Variants in RANBP2 observed in about 807,000 individuals in gnomAD.
RANBP2 encodes the protein RAN binding protein 2.
RANBP2 carries 57 observed loss-of-function variants against 303.6 expected under a neutral mutation model. The ratio of observed to expected loss-of-function variants is 0.19; its 90% CI spans 0.15 to 0.23. The LOEUF is 0.23. RANBP2 is among the 10% of genes least tolerant of loss of function. The pLI, the probability that RANBP2 is intolerant of heterozygous loss-of-function variation, is 1.00. For missense variants in RANBP2, 3,138 were observed against 3,780.8 expected (o/e 0.83, Z 4.46); for synonymous variants, 1,167 against 1,301.5 (o/e 0.90, Z 2.23).
At chr2:109,211,802 C>G in the RANBP2 span, among the ~76,000 whole-genome samples, 11 of 152,052 alleles carry the variant, frequency 7.2e-5, no homozygotes, top group African/African-American at 2.7e-4. Context: ...TTCACCATGC[C>G]CAGCTATTTT....
the RANBP2 span, among the ~76,000 whole-genome samples, chr2:109,542,780 T>G: frequency 2.6e-5 from 4 of 152,334 alleles, no homozygotes; most frequent in South Asian, 8.3e-4. Context: ...AAAAATAAAA[T>G]TTAAAGTATA....
chr2:108,882,717 TCTC>T, the RANBP2 span: 1 of 152,250 alleles, frequency 6.6e-6, no homozygotes, highest in Admixed American at 6.5e-5. Context: ...TTCATTTTCT[TCTC>T]AGGCCTCCTC....
chr2:108,728,246 T>C (rs1370806504), intron 1 of RANBP2, among the ~76,000 whole-genome samples: 1 of 152,174 alleles, frequency 6.6e-6, no homozygotes. Context: ...TGATGAAAAT[T>C]CTTCTGTTGT....
chr2:108,727,779 T>C (rs957074759), intron 1 of RANBP2, among the ~76,000 whole-genome samples: 2 of 151,926 alleles, frequency 1.3e-5, no homozygotes, highest in Non-Finnish European at 2.9e-5. Context: ...ATTTTTGTAT[T>C]TTTAGTAGAA....
At chr2:109,323,535 T>C in the RANBP2 span, among the ~76,000 whole-genome samples, 1 of 152,210 alleles carries the variant, frequency 6.6e-6, no homozygotes, top group African/African-American at 2.4e-5. Flanking sequence ...ATATTGTAGG[T>C]AGTGGTAGAT....
At chr2:109,563,122 GC>G in the RANBP2 span, among the ~76,000 whole-genome samples, 29 of 152,132 alleles carry the variant, frequency 1.9e-4, no homozygotes, top group Non-Finnish European at 3.1e-4. Context: ...TGTTGGCCAG[GC>G]TGGTCTTGAA....
the RANBP2 span, among the ~76,000 whole-genome samples, chr2:109,513,636 A>C: frequency 6.6e-6 from 1 of 152,162 alleles, no homozygotes; most frequent in South Asian, 2.1e-4. Flanking sequence ...CATCACTTGC[A>C]CATTTGCACA....
the RANBP2 span, among the ~76,000 whole-genome samples, chr2:109,143,115 C>T: frequency 1.3e-5 from 2 of 152,102 alleles, no homozygotes; most frequent in Admixed American, 6.5e-5. Flanking sequence ...CACAAGGTAA[C>T]CTCAGGAGGA....
the RANBP2 span, among the ~76,000 whole-genome samples, chr2:109,588,915 T>A: frequency 7.5e-6 from 1 of 132,998 alleles, no homozygotes; most frequent in African/African-American, 2.8e-5. Context: ...TGAAATTGAG[T>A]CATAAAAATT....
chr2:109,129,894 G>C, the RANBP2 span: 4 of 1,513,968 alleles, frequency 2.6e-6, no homozygotes, highest in Non-Finnish European at 3.5e-6. Context: ...TGCGACTGCT[G>C]GACGGCATCC....
the RANBP2 span, among the ~76,000 whole-genome samples, chr2:109,704,642 G>A: frequency 2.6e-4 from 39 of 152,222 alleles, no homozygotes; most frequent in African/African-American, 8.9e-4. Flanking sequence ...CTGAGGTCAG[G>A]AGTTCGAGAA....
chr2:109,363,752 G>T, the RANBP2 span, among the ~76,000 whole-genome samples: 3 of 152,036 alleles, frequency 2.0e-5, no homozygotes, highest in Non-Finnish European at 2.9e-5. Flanking sequence ...AGGTTGGTAG[G>T]TTTTTTCTGT....
chr2:108,887,848 A>T, the RANBP2 span, among the ~76,000 whole-genome samples: 1 of 152,134 alleles, frequency 6.6e-6, no homozygotes, highest in East Asian at 1.9e-4. Flanking sequence ...TCCATTCTGG[A>T]TGCTTTTTAT....
At chr2:109,271,763 T>G in the RANBP2 span, among the ~76,000 whole-genome samples, 4 of 152,384 alleles carry the variant, frequency 2.6e-5, no homozygotes, top group East Asian at 7.7e-4. Context: ...TATTGGACTT[T>G]TGTGGTATCA....
chr2:109,667,301 G>T, the RANBP2 span: 2 of 653,556 alleles, frequency 3.1e-6, no homozygotes, highest in East Asian at 2.9e-5. Flanking sequence ...GGAAGGTCCT[G>T]TGGCCAATTG....
chr2:109,301,690 GT>G, the RANBP2 span, among the ~76,000 whole-genome samples: 1 of 152,198 alleles, frequency 6.6e-6, no homozygotes, highest in Non-Finnish European at 1.5e-5. Flanking sequence ...GTATTTTGTT[GT>G]TTTGAGGAGA....
intron 7 of RANBP2, among the ~76,000 whole-genome samples, chr2:108,743,005 G>C (rs1351899254): frequency 6.6e-6 from 1 of 152,134 alleles, no homozygotes; most frequent in Admixed American, 6.5e-5. Context: ...TAGCCAGGAT[G>C]GTCTCGATCT....
the RANBP2 span, among the ~76,000 whole-genome samples, chr2:109,507,257 C>T: frequency 6.6e-6 from 1 of 152,334 alleles, no homozygotes; most frequent in South Asian, 2.1e-4. Context: ...CCCGAGCCGG[C>T]CCCACCCCTG....
At chr2:109,015,401 T>C in the RANBP2 span, among the ~76,000 whole-genome samples, 225 of 152,296 alleles carry the variant, frequency 1.5e-3, 2 homozygotes, top group African/African-American at 4.9e-3. Context: ...ATTGTAATTA[T>C]ATTTTCTCTC....
Sources: gnomAD v4.1 joint callset for allele counts (sites outside exome capture counted in the v4.1 genomes callset) on GRCh38, gnomAD v4.1.1 for gene constraint, MANE v1.5 for transcripts, NCBI Gene and HGNC (gene_info 2026-07-23, HGNC 2026-07-21) for gene names.